TBC1D32: variants seen among roughly 807,000 people sequenced by gnomAD.
TBC1D32 encodes protein broad-minded.
Under a neutral mutation model 170.3 loss-of-function variants are expected in TBC1D32, and 151 were observed. The ratio of observed to expected loss-of-function variants is 0.89; its 90% CI spans 0.78 to 1.01. TBC1D32 has a LOEUF of 1.01. Among genes scored for constraint, TBC1D32 ranks in the 50% least tolerant of loss-of-function variants. TBC1D32 has a pLI of 0.00. For synonymous variants in TBC1D32, 498 were observed against 488.0 expected, an observed-to-expected ratio of 1.02 and a Z score of -0.27; for missense variants, 1,464 against 1,457.1, an observed-to-expected ratio of 1.00 and a Z score of -0.08.
chr6:121,139,760 A>G (rs905299696), intron 24 of TBC1D32: 5 of 152,074 alleles, frequency 3.3e-5, no homozygotes, highest in Non-Finnish European at 5.9e-5. Flanking sequence ...AAACCCAAGA[A>G]CTTTTTTACT....
At chr6:121,202,934 C>A (rs761460301) in intron 22 of TBC1D32, among the ~76,000 whole-genome samples, 3 of 151,334 alleles carry the variant, frequency 2.0e-5, no homozygotes, top group Admixed American at 6.6e-5. Flanking sequence ...TTGTACCAAG[C>A]ATTACACTTA....
At chr6:121,194,142 T>A (rs1016581283) in intron 22 of TBC1D32, among the ~76,000 whole-genome samples, 1 of 152,026 alleles carries the variant, frequency 6.6e-6, no homozygotes, top group Non-Finnish European at 1.5e-5. Context: ...CTTATGGAGG[T>A]CAGGTAATTA....
At chr6:121,282,101 A>G (rs1662848583) in intron 13 of TBC1D32, among the ~76,000 whole-genome samples, 1 of 151,728 alleles carries the variant, frequency 6.6e-6, no homozygotes, top group African/African-American at 2.4e-5. Context: ...AGCCTACAGG[A>G]AAATTACATT....
In TBC1D32 at chr6:121,321,650, T is replaced by C; in HGVS notation, c.300A>G (p.Arg100=). Residue 100 remains arginine, a synonymous_variant, in exon 2 of 32, where the codon AGA becomes AGG. Coordinates refer to ENST00000398212, the MANE Select transcript of TBC1D32 (RefSeq NM_152730.6). ...ATACTCACTCTTTAGATTCTTGAGTTCTTTTAGTGACCTGCTGTACAACTG... is the reference window on the plus strand; with the variant it reads ...ATACTCACTCTTTAGATTCTTGAGTCCTTTTAGTGACCTGCTGTACAACTG... ...YDTVVQQVTK[R]TQESKEYKEM... The C allele has an allele frequency of 6.2e-7, 1 of 1,612,970 alleles. No individual in the cohort carries two copies. The highest frequency in any genetic ancestry group is 8.5e-7 in the Non-Finnish European group (1 of 1,179,666).
At position 121,303,735 on chromosome 6, in the gene TBC1D32, G is replaced by C. The variant is rs1219469730; in HGVS notation, c.962C>G (p.Thr321Ser). 1.9e-6 allele frequency: 3 copies of C among 1,560,240 alleles called. No homozygotes were observed. The highest frequency in any genetic ancestry group is 2.6e-6 in the Non-Finnish European group (3 of 1,145,980). ...ATGTTTAACTGTTAACAAGGACAAA[G>C]TACTCTCCACAATTTCTTCCATATA... ...EKYMEEIVES[T>S]LSLLTVKHNQ... Residue 321 changes from threonine to serine, a missense_variant, in exon 9 of 32, where the codon ACT becomes AGT. Thr to Ser is a moderately conservative substitution (Grantham distance 58, BLOSUM62 1). Transcript: ENST00000398212.
In TBC1D32 at chr6:121,170,485, C is replaced by T. The variant is rs1017827611; in HGVS notation, c.2571-9429G>A. 5.0e-6 allele frequency: 8 copies of T among 1,607,824 alleles called. No individual in the cohort carries two copies. The Admixed American group carries it at 1.4e-4, about 27-fold the overall frequency. ...CAGATACCTGATACTGAGCCTCTAACAGGAGAAGAGTGTCCAGATCACAGC... is the reference window on the plus strand; with the variant it reads ...CAGATACCTGATACTGAGCCTCTAATAGGAGAAGAGTGTCCAGATCACAGC... On this transcript the variant is annotated intron_variant, in intron 22 of 31. Coordinates refer to ENST00000398212, the MANE Select transcript of TBC1D32 (RefSeq NM_152730.6).
chr6:121,179,265 GAAGACAAAAA>G (rs1788193294), intron 22 of TBC1D32, among the ~76,000 whole-genome samples: 1 of 149,652 alleles, frequency 6.7e-6, no homozygotes, highest in Non-Finnish European at 1.5e-5. Flanking sequence ...TTTTATATAT[GAAGACAAAAA>G]CATATATATA....
chr6:121,326,469 C>T (rs1810475973), intron 1 of TBC1D32, among the ~76,000 whole-genome samples: 1 of 152,070 alleles, frequency 6.6e-6, no homozygotes, highest in South Asian at 2.1e-4. Context: ...TAAATATGTT[C>T]AATTATTATT....
At chr6:121,168,972 T>C (rs1468610531) in intron 22 of TBC1D32, among the ~76,000 whole-genome samples, 2 of 152,084 alleles carry the variant, frequency 1.3e-5, no homozygotes, top group Non-Finnish European at 2.9e-5. Context: ...AGAATCAGTA[T>C]TGAGAAAATG....
intron 22 of TBC1D32, among the ~76,000 whole-genome samples, chr6:121,169,432 A>G (rs1562746935): frequency 6.6e-6 from 1 of 152,228 alleles, no homozygotes; most frequent in African/African-American, 2.4e-5. Context: ...TTCTTAAAAT[A>G]CAAAAGCTAA....
chr6:121,150,216 G>C (rs1033020845), intron 24 of TBC1D32, among the ~76,000 whole-genome samples: 1 of 152,126 alleles, frequency 6.6e-6, no homozygotes, highest in South Asian at 2.1e-4. Context: ...AAAGTTTTTA[G>C]CATGAAGGGG....
intron 29 of TBC1D32, among the ~76,000 whole-genome samples, chr6:121,108,689 T>C (rs1477696467): frequency 6.6e-6 from 1 of 152,094 alleles, no homozygotes; most frequent in Non-Finnish European, 1.5e-5. Context: ...CTTAGTTTTT[T>C]TTCTTCCATT....
intron 1 of TBC1D32, among the ~76,000 whole-genome samples, chr6:121,330,257 CT>C (rs1174665850): frequency 6.6e-6 from 1 of 152,074 alleles, no homozygotes; most frequent in Non-Finnish European, 1.5e-5. Context: ...TGGTCTTGAA[CT>C]CCTGGTGTTA....
chr6:121,157,441 T>G (rs1321463378), intron 24 of TBC1D32, among the ~76,000 whole-genome samples: 1 of 152,078 alleles, frequency 6.6e-6, no homozygotes, highest in Non-Finnish European at 1.5e-5. Flanking sequence ...CAGTTGGGTC[T>G]TATCTTTTTA....
rs568267121 is a variant in TBC1D32 at position 121,123,415 on chromosome 6, C to A, written c.2983+2963G>T. Reference sequence around the variant, plus strand: ...ATTTGTTTTATGAATCTGGGTGCTCCAGTGTTAGGTGCATGTATATTTATT... The same window carrying A: ...ATTTGTTTTATGAATCTGGGTGCTCAAGTGTTAGGTGCATGTATATTTATT... On this transcript the variant is annotated intron_variant, in intron 26 of 31. Transcript: ENST00000398212. 8.4e-4 allele frequency among the ~76,000 whole-genome samples: 128 copies of A among 152,110 alleles called. 1 individual carries two copies. The South Asian group carries it at 0.025, about 30-fold the overall frequency.
chr6:121,258,641 A>G (rs924641806), intron 15 of TBC1D32, among the ~76,000 whole-genome samples: 1 of 152,170 alleles, frequency 6.6e-6, no homozygotes. Context: ...TTAAAAATAT[A>G]AACAAATATG....
intron 15 of TBC1D32, among the ~76,000 whole-genome samples, chr6:121,266,220 T>C (rs1222259285): frequency 6.6e-6 from 1 of 151,912 alleles, no homozygotes; most frequent in Non-Finnish European, 1.5e-5. Flanking sequence ...TAAACAAATT[T>C]ACAAGAAAAA....
At position 121,310,856 on chromosome 6, in the gene TBC1D32, C is replaced by T; in HGVS notation, c.496-9G>A. ...TGACAAAATTTGTAACTCTGTAACA[C>T]AATTGTCAGGACATTCATTTATTTA... On this transcript the variant is annotated splice_polypyrimidine_tract_variant and intron_variant, in intron 3 of 31. Transcript: ENST00000398212. The T allele has an allele frequency of 6.8e-7, 1 of 1,466,682 alleles. No individual in the cohort carries two copies. The highest frequency in any genetic ancestry group is 9.5e-7 in the Non-Finnish European group (1 of 1,050,580). 90.9% of individuals were successfully genotyped at this position (1,466,682 alleles called of 1,614,324 possible). A position where few individuals can be genotyped will look rare whatever the true frequency, so the allele number is the denominator to read the frequency against.
At position 121,281,558 on chromosome 6, in the gene TBC1D32, T is replaced by A; in HGVS notation, c.1594A>T (p.Met532Leu). The A allele has an allele frequency of 6.2e-7, 1 of 1,605,864 alleles. No homozygotes were observed. The highest frequency in any genetic ancestry group is 2.3e-5 in the East Asian group (1 of 44,310). The change falls in exon 14 of 32, where the codon ATG (methionine) becomes TTG (leucine). Residue 532 changes from methionine to leucine, a missense_variant. By Grantham distance (15) the Met-to-Leu change is conservative. This residue lies in a region of TBC1D32 where 1,363 missense variants were observed against 1,338.1 expected (regional missense o/e 1.02). Coordinates refer to ENST00000398212, the MANE Select transcript of TBC1D32 (RefSeq NM_152730.6). ...ETLLQPIHNL[M>L]KGNEASPNCS... ...ATAATACGAACCTCATTTCCTTTCA[T>A]TAAATTGTGAATAGGCTGAAGAAGT...
Sources: allele counts gnomAD v4.1 joint callset (sites outside exome capture counted in the v4.1 genomes callset), GRCh38; gene constraint gnomAD v4.1.1; regional missense constraint gnomAD v4.1.1; transcripts MANE v1.5; gene names NCBI Gene and HGNC (gene_info 2026-07-23, HGNC 2026-07-21).